The following ABCC3 variants were observed in gnomAD, a reference collection of about 807,000 sequenced individuals.
ABCC3 encodes the protein ATP binding cassette subfamily C member 3.
In ABCC3, 121 loss-of-function variants were observed where a neutral mutation model predicts 165.3. That is an observed-to-expected ratio of 0.73 (90% CI 0.63 to 0.85). The LOEUF (loss-of-function observed/expected upper bound fraction) is 0.85, where lower values mean the gene tolerates loss of function less well. ABCC3 is among the 40% of genes least tolerant of loss of function. The probability of loss-of-function intolerance (pLI) is 0.00; values close to 1 mark genes in which losing one functional copy is unlikely to be tolerated. For missense variants in ABCC3, 1,869 were observed against 1,964.1 expected (o/e 0.95, Z 0.92); for synonymous variants, 733 against 810.1 (o/e 0.90, Z 1.62).
chr17:50,657,932 C>T, intron 4 of ABCC3, 150 bp from the exon 5 acceptor site: 1 of 1,077,682 alleles, frequency 9.3e-7, no homozygotes, highest in Non-Finnish European at 1.3e-6. Flanking sequence ...CCTTCCTCAT[C>T]TCTCAGAGTC....
chr17:50,665,854 C>T (rs577617345), intron 11 of ABCC3, among the ~76,000 whole-genome samples: 2 of 151,812 alleles, frequency 1.3e-5, no homozygotes, highest in East Asian at 1.9e-4. Flanking sequence ...TCAGGTGATC[C>T]GTTCATCTTA....
chr17:50,678,089 A>G lies in ABCC3; in HGVS notation c.3579-4A>G, dbSNP rs11568583. 2,143 of 1,607,020 alleles carry G rather than the reference A, an allele frequency of 1.3e-3. 36 individuals carry two copies. The East Asian group carries it at 0.033, about 25-fold the overall frequency. On this transcript the variant is annotated splice_polypyrimidine_tract_variant and splice_region_variant and intron_variant, in intron 24 of 30. Transcript: ENST00000285238. ...CCATTTCCTCCTCATCTGATCCCCCATAGGTGGCTGAGCATCGGAGTGGAG... is the reference window on the plus strand; with the variant it reads ...CCATTTCCTCCTCATCTGATCCCCCGTAGGTGGCTGAGCATCGGAGTGGAG...
chr17:50,690,945 G>C (rs1968112585), intron 30 of ABCC3, 147 bp from the exon 31 acceptor site: 1 of 604,980 alleles, frequency 1.7e-6, no homozygotes, highest in South Asian at 2.0e-5. Context: ...AACCAGCCTT[G>C]CAAGTGTGCA....
chr17:50,674,022 CTCTCTCTCTCTCTCTTTCTTTCTTTCTT>C (rs1967741883), intron 19 of ABCC3, among the ~76,000 whole-genome samples: 5 of 6,908 alleles, frequency 7.2e-4, no homozygotes, highest in African/African-American at 3.3e-3. Context: ...CTCTCTCTCT[CTCTCTCTCTCTCTCTTTCTTTCTTTCTT>C]TCTTTCTTTC....
chr17:50,664,199 C>A, intron 10 of ABCC3, 88 bp downstream of exon 10: 5 of 1,525,404 alleles, frequency 3.3e-6, no homozygotes, highest in Non-Finnish European at 4.5e-6. Flanking sequence ...GGGAGCATGG[C>A]ACATGCTTGT....
At chr17:50,670,519 C>T (rs1967625450) in intron 17 of ABCC3, among the ~76,000 whole-genome samples, 2 of 152,110 alleles carry the variant, frequency 1.3e-5, no homozygotes, top group Non-Finnish European at 2.9e-5. Context: ...TACTAAAATG[C>T]CGGGCTAATA....
At chr17:50,663,359 C>G in intron 8 of ABCC3, 2 of 353,834 alleles carry the variant, frequency 5.7e-6, no homozygotes, top group Admixed American at 4.2e-5. Context: ...GAAGTCCAGT[C>G]AATGGAAACG....
intron 18 of ABCC3, 31 bp downstream of exon 18, chr17:50,673,169 G>T: frequency 6.2e-7 from 1 of 1,611,302 alleles, no homozygotes. Context: ...AGGGGGCTAA[G>T]GTGAGATCTG....
At chr17:50,635,285 A>C in intron 1 of ABCC3, 2 of 623,128 alleles carry the variant, frequency 3.2e-6, no homozygotes, top group South Asian at 3.6e-5. Flanking sequence ...TGGCTGGGTG[A>C]GTCGGCTCCA....
intron 26 of ABCC3, among the ~76,000 whole-genome samples, chr17:50,682,181 A>G (rs1303254551): frequency 6.6e-6 from 1 of 151,984 alleles, no homozygotes; most frequent in Non-Finnish European, 1.5e-5. Flanking sequence ...CGTTTAGAGT[A>G]ATGCTCTGCC....
intron 11 of ABCC3, 27 bp from the exon 12 acceptor site, chr17:50,667,526 GC>G (rs1567832700): frequency 6.3e-7 from 1 of 1,586,182 alleles, no homozygotes; most frequent in Non-Finnish European, 8.6e-7. Flanking sequence ...GAGCAGGTGT[GC>G]CACTGACACT....
chr17:50,645,587 C>T (rs938221153), intron 1 of ABCC3, among the ~76,000 whole-genome samples: 2 of 151,754 alleles, frequency 1.3e-5, no homozygotes, highest in Admixed American at 6.6e-5. Context: ...ATTCAATAAA[C>T]GTGTATGTGT....
At chr17:50,664,303 C>T in intron 10 of ABCC3, 192 bp downstream of exon 10, 2 of 663,588 alleles carry the variant, frequency 3.0e-6, no homozygotes, top group South Asian at 1.9e-5. Flanking sequence ...GAATAGCCAC[C>T]ACACTCCAGC....
At chr17:50,673,771 A>G (rs2146628410) in intron 19 of ABCC3, 113 bp downstream of exon 19, 1 of 1,109,064 alleles carries the variant, frequency 9.0e-7, no homozygotes. Context: ...GTTCTGGGAA[A>G]CTTGGGCCAT....
intron 14 of ABCC3, 114 bp from the exon 15 acceptor site, chr17:50,668,739 T>TC (rs1324624549): frequency 1.1e-6 from 1 of 900,730 alleles, no homozygotes; most frequent in African/African-American, 1.6e-5. Context: ...AAGGATCCCC[T>TC]CCCCATGGCC....
At chr17:50,664,440 C>T in intron 10 of ABCC3, 1 of 317,248 alleles carries the variant, frequency 3.2e-6, no homozygotes, top group Non-Finnish European at 6.0e-6. Flanking sequence ...CACGGTGGCT[C>T]ACGCCTGTAA....
intron 19 of ABCC3, 62 bp downstream of exon 19, chr17:50,673,720 C>T (rs1967701261): frequency 9.7e-6 from 15 of 1,540,660 alleles, no homozygotes; most frequent in African/African-American, 1.4e-5. Flanking sequence ...TGTCTGGGGT[C>T]TCTGAGTGTG....
rs767048905 is a variant in ABCC3, at chr17:50,657,036, C to T, written c.349-10C>T. On this transcript the variant is annotated splice_polypyrimidine_tract_variant and intron_variant, in intron 3 of 30. Transcript: ENST00000285238. ...TGTTCTGCCCGGGCCTCCCTGCCCT[C>T]CCTGCACAGCTGCTGGCCACCCTGC... is the stretch of plus-strand genomic sequence containing the variant. The T allele has an allele frequency of 3.7e-6, 6 of 1,612,346 alleles. No homozygotes were observed. The East Asian group carries it at 8.9e-5, about 24-fold the overall frequency.
At chr17:50,679,597 C>T in intron 25 of ABCC3, 1 of 513,450 alleles carries the variant, frequency 1.9e-6, no homozygotes, top group Non-Finnish European at 3.6e-6. Context: ...TTGGTTAAGT[C>T]TGCACTGTCA....
Sources: allele counts gnomAD v4.1 joint callset (sites outside exome capture counted in the v4.1 genomes callset), GRCh38; gene constraint gnomAD v4.1.1; transcripts MANE v1.5; gene names NCBI Gene and HGNC (gene_info 2026-07-23, HGNC 2026-07-21).